Variants in AUTS2 observed in about 807,000 individuals in gnomAD.
AUTS2 encodes the protein autism susceptibility gene 2 protein.
AUTS2 carries 17 observed loss-of-function variants against 112.4 expected under a neutral mutation model. The ratio of observed to expected loss-of-function variants is 0.15; its 90% CI spans 0.10 to 0.23. The LOEUF is 0.23. AUTS2 is among the 10% of genes least tolerant of loss of function. AUTS2 has a pLI of 1.00. For synonymous variants in AUTS2, 751 were observed against 702.7 expected, an observed-to-expected ratio of 1.07 and a Z score of -1.09; for missense variants, 1,510 against 1,701.6, an observed-to-expected ratio of 0.89 and a Z score of 1.98.
At chr7:70,245,144 G>GTGTGTATATATATATATA (rs1233136341) in intron 4 of AUTS2, among the ~76,000 whole-genome samples, 20 of 108,942 alleles carry the variant, frequency 1.8e-4, no homozygotes, top group African/African-American at 7.9e-4. Context: ...GTGTGTGTGT[G>GTGTGTATATATATATATA]TATATATATA....
intron 5 of AUTS2, among the ~76,000 whole-genome samples, chr7:70,542,250 C>A (rs897831375): frequency 6.6e-5 from 10 of 152,196 alleles, no homozygotes; most frequent in Non-Finnish European, 1.3e-4. Flanking sequence ...AAGCTTCCTT[C>A]CTTCCTGAGA....
chr7:69,697,068 C>T (rs1334411775), intron 1 of AUTS2, among the ~76,000 whole-genome samples: 1 of 152,212 alleles, frequency 6.6e-6, no homozygotes, highest in African/African-American at 2.4e-5. Context: ...CTTTACTTTT[C>T]ATTAAAATCG....
intron 2 of AUTS2, among the ~76,000 whole-genome samples, chr7:70,029,422 G>A (rs998052061): frequency 6.6e-6 from 1 of 151,524 alleles, no homozygotes; most frequent in African/African-American, 2.4e-5. Flanking sequence ...GTTTTTCTTT[G>A]AGCTCCTTGA....
intron 1 of AUTS2, among the ~76,000 whole-genome samples, chr7:69,896,697 A>G (rs1435629207): frequency 6.6e-6 from 1 of 152,138 alleles, no homozygotes; most frequent in Non-Finnish European, 1.5e-5. Flanking sequence ...TACATTGGCC[A>G]CCTACTATTT....
At chr7:69,638,867 G>A (rs894810265) in intron 1 of AUTS2, among the ~76,000 whole-genome samples, 3 of 152,198 alleles carry the variant, frequency 2.0e-5, no homozygotes, top group Non-Finnish European at 2.9e-5. Flanking sequence ...CTGCCCACTT[G>A]TTCTTTGATT....
intron 2 of AUTS2, among the ~76,000 whole-genome samples, chr7:70,050,558 A>T (rs1801705009): frequency 6.6e-6 from 1 of 151,850 alleles, no homozygotes; most frequent in African/African-American, 2.4e-5. Flanking sequence ...CTCCAACCCA[A>T]AGTTTTATTA....
At chr7:70,443,146 A>G (rs1399447979) in intron 5 of AUTS2, among the ~76,000 whole-genome samples, 1 of 152,226 alleles carries the variant, frequency 6.6e-6, no homozygotes, top group African/African-American at 2.4e-5. Flanking sequence ...CAGATTTTCA[A>G]TTAAATATAG....
intron 1 of AUTS2, among the ~76,000 whole-genome samples, chr7:69,730,317 A>T (rs1786735914): frequency 6.6e-6 from 1 of 151,878 alleles, no homozygotes; most frequent in Non-Finnish European, 1.5e-5. Flanking sequence ...GAAGTTTTTT[A>T]TATTTTCTTC....
intron 1 of AUTS2, among the ~76,000 whole-genome samples, chr7:69,857,875 T>C (rs542533360): frequency 6.6e-6 from 1 of 151,904 alleles, no homozygotes; most frequent in African/African-American, 2.4e-5. Flanking sequence ...GCCAAAAGGA[T>C]TTTTCTCATT....
intron 5 of AUTS2, among the ~76,000 whole-genome samples, chr7:70,648,445 A>G (rs998492993): frequency 6.6e-6 from 1 of 152,212 alleles, no homozygotes; most frequent in East Asian, 1.9e-4. Context: ...TCTGTGTTGT[A>G]TATGTCTGCA....
At chr7:70,672,604 C>T (rs1585480777) in intron 5 of AUTS2, among the ~76,000 whole-genome samples, 1 of 151,264 alleles carries the variant, frequency 6.6e-6, no homozygotes, top group South Asian at 2.1e-4. Flanking sequence ...ATTTCTTTTT[C>T]TTTTTTTTTC....
intron 1 of AUTS2, among the ~76,000 whole-genome samples, chr7:69,856,441 A>G (rs1216599980): frequency 6.6e-6 from 1 of 152,132 alleles, no homozygotes; most frequent in Non-Finnish European, 1.5e-5. Flanking sequence ...TTAACACCTG[A>G]ACTGGTAATC....
chr7:70,429,807 C>T (rs1045677069), intron 4 of AUTS2, among the ~76,000 whole-genome samples: 3 of 151,642 alleles, frequency 2.0e-5, no homozygotes, highest in Non-Finnish European at 2.9e-5. Context: ...AAGTAATTGT[C>T]GTAACATATT....
At chr7:69,914,542 T>A (rs1346110381) in intron 2 of AUTS2, among the ~76,000 whole-genome samples, 1 of 151,990 alleles carries the variant, frequency 6.6e-6, no homozygotes. Context: ...CCGTGTCTGC[T>A]GTTCTCCCAT....
At chr7:70,301,200 G>A (rs1789193720) in intron 4 of AUTS2, among the ~76,000 whole-genome samples, 1 of 152,184 alleles carries the variant, frequency 6.6e-6, no homozygotes, top group Non-Finnish European at 1.5e-5. Flanking sequence ...AGTATGAAGG[G>A]AGGAAAATGT....
rs557437314 is a variant in AUTS2 at position 70,643,557 on chromosome 7, G to A, written c.691-55012G>A. Among the ~76,000 whole-genome samples the A allele has an allele frequency of 2.2e-3, 332 of 152,236 alleles. 1 individual carries two copies. Among genetic ancestry groups the A allele is most frequent in the Middle Eastern group, 3.4e-3 (1 of 294 alleles). On this transcript the variant is annotated intron_variant, in intron 5 of 18. Transcript: ENST00000342771. Reference sequence around the variant, plus strand: ...CTGCACTCCAGTCTGGCAACAGAGCGAGACTCCGTCTAAAAAAAATAAAAT... The same window carrying A: ...CTGCACTCCAGTCTGGCAACAGAGCAAGACTCCGTCTAAAAAAAATAAAAT...
chr7:70,245,767 T>A (rs1260994544), intron 4 of AUTS2, among the ~76,000 whole-genome samples: 1 of 152,148 alleles, frequency 6.6e-6, no homozygotes, highest in Non-Finnish European at 1.5e-5. Flanking sequence ...TTAGAATTGC[T>A]TGGGTTTAGG....
rs770996771 is a variant in AUTS2 at position 70,784,961 on chromosome 7, G to A, written c.2166G>A (p.Gly722=). 6.2e-7 allele frequency: 1 copy of A among 1,614,080 alleles called. No homozygotes were observed. The highest frequency in any genetic ancestry group is 2.2e-5 in the East Asian group (1 of 44,860). ...FSAAGAAHPT[G]TPFGPPPHHS... ...TAACAGGTGCTGCACACCCAACTGG[G>A]ACCCCTTTTGGGCCACCTCCTCATC... is the stretch of plus-strand genomic sequence containing the variant. Residue 722 remains glycine, a synonymous_variant, in exon 16 of 19, where the codon GGG becomes GGA. Coordinates refer to ENST00000342771, the MANE Select transcript of AUTS2 (RefSeq NM_015570.4).
chr7:70,071,997 C>A (rs1198566963), intron 2 of AUTS2, among the ~76,000 whole-genome samples: 1 of 151,864 alleles, frequency 6.6e-6, no homozygotes, highest in Non-Finnish European at 1.5e-5. Flanking sequence ...GGCCTTGCTG[C>A]GGCCCAAGGG....
Sources: allele counts gnomAD v4.1 joint callset (sites outside exome capture counted in the v4.1 genomes callset), GRCh38; gene constraint gnomAD v4.1.1; transcripts MANE v1.5; gene names NCBI Gene and HGNC (gene_info 2026-07-23, HGNC 2026-07-21).